Variants in NIBAN1 observed in about 807,000 individuals in gnomAD.
NIBAN1 encodes protein Niban 1.
Under a neutral mutation model 75.1 loss-of-function variants are expected in NIBAN1, and 81 were observed. The observed-to-expected ratio is 1.08, with a 90% CI of 0.90 to 1.30. NIBAN1 has a LOEUF of 1.30. NIBAN1 is among the 50% of genes most tolerant of loss of function. The probability of loss-of-function intolerance (pLI) is 0.00; values close to 1 mark genes in which losing one functional copy is unlikely to be tolerated. For missense variants in NIBAN1, 1,133 were observed against 1,128.1 expected (o/e 1.00, Z -0.06); for synonymous variants, 436 against 424.8 (o/e 1.03, Z -0.32).
At chr1:184,928,408 C>T (rs775085022) in intron 1 of NIBAN1, among the ~76,000 whole-genome samples, 1 of 152,182 alleles carries the variant, frequency 6.6e-6, no homozygotes, top group African/African-American at 2.4e-5. Context: ...GCCAGCACAG[C>T]ACCAGGACTT....
rs572710264 is a variant in NIBAN1 at position 184,831,027 on chromosome 1, C to T, written c.717+820G>A. Among the ~76,000 whole-genome samples the T allele has an allele frequency of 1.8e-3, 268 of 151,466 alleles. 1 individual carries two copies. Among genetic ancestry groups the T allele is most frequent in the Non-Finnish European group, 2.9e-3 (197 of 67,888 alleles). ...AAAAAAAAAATAGCATTCTTAAATA[C>T]CGTGTTACTTTATGTAAATATGCCC... On this transcript the variant is annotated intron_variant, in intron 6 of 13. Coordinates refer to ENST00000367511, the MANE Select transcript of NIBAN1 (RefSeq NM_052966.4).
chr1:184,816,301 G>A (rs917173522), intron 9 of NIBAN1, among the ~76,000 whole-genome samples: 3 of 152,088 alleles, frequency 2.0e-5, no homozygotes, highest in Admixed American at 2.0e-4. Context: ...CCATCTCTAG[G>A]ATGTCAAATG....
At chr1:184,905,530 C>T (rs1033397850) in intron 1 of NIBAN1, among the ~76,000 whole-genome samples, 2 of 152,124 alleles carry the variant, frequency 1.3e-5, no homozygotes, top group African/African-American at 4.8e-5. Flanking sequence ...TTATTTCCCA[C>T]TTCTTTCACT....
intron 1 of NIBAN1, among the ~76,000 whole-genome samples, chr1:184,927,014 T>C (rs565209557): frequency 1.3e-5 from 2 of 152,324 alleles, no homozygotes; most frequent in South Asian, 2.1e-4. Context: ...TTTTTACTTA[T>C]TTAAATATCT....
At position 184,853,601 on chromosome 1, in the gene NIBAN1, A is replaced by T. The variant is rs139203364; in HGVS notation, c.602-21639T>A. On this transcript the variant is annotated intron_variant, in intron 5 of 13. Transcript: ENST00000367511. ...TTTGTTCCTTACTTCCAGTGAGAGTAGATGGCATCTCAGACCAACTGGTTG... is the reference window on the plus strand; with the variant it reads ...TTTGTTCCTTACTTCCAGTGAGAGTTGATGGCATCTCAGACCAACTGGTTG... Among the ~76,000 whole-genome samples, 286 of 152,338 alleles carry T rather than the reference A, an allele frequency of 1.9e-3. 1 individual carries two copies. The highest frequency in any genetic ancestry group is 6.6e-3 in the African/African-American group (276 of 41,576).
At position 184,823,391 on chromosome 1, in the gene NIBAN1, G is replaced by A. The variant is rs1159090122; in HGVS notation, c.823-62C>T. 4 of 1,581,500 alleles carry A rather than the reference G, an allele frequency of 2.5e-6. No homozygotes were observed. The African/African-American group carries it at 4.1e-5, about 16-fold the overall frequency. ...CACGTGTAAGCACTGATGGAGTCAA[G>A]TGGAGGGAGGAGCCTTCATCACAGG... is the stretch of plus-strand genomic sequence containing the variant. On this transcript the variant is annotated intron_variant, in intron 7 of 13. Transcript: ENST00000367511.
At chr1:184,870,012 C>G (rs891625702) in intron 5 of NIBAN1, among the ~76,000 whole-genome samples, 8 of 152,204 alleles carry the variant, frequency 5.3e-5, no homozygotes, top group African/African-American at 1.4e-4. Flanking sequence ...CAACGATTCT[C>G]TAACTCTGAA....
At chr1:184,815,479 CAGA>C (rs1358832642) in intron 9 of NIBAN1, among the ~76,000 whole-genome samples, 7 of 152,148 alleles carry the variant, frequency 4.6e-5, no homozygotes, top group Admixed American at 1.3e-4. Context: ...AGTTTCTCCC[CAGA>C]AGAAGATGAC....
At chr1:184,830,476 T>A (rs1032463679) in intron 6 of NIBAN1, among the ~76,000 whole-genome samples, 3 of 152,066 alleles carry the variant, frequency 2.0e-5, no homozygotes, top group Non-Finnish European at 4.4e-5. Context: ...ATAGATGAGT[T>A]TAGAATCTAC....
At chr1:184,818,292 G>A (rs778250545) in intron 9 of NIBAN1, among the ~76,000 whole-genome samples, 4 of 152,210 alleles carry the variant, frequency 2.6e-5, no homozygotes, top group South Asian at 2.1e-4. Flanking sequence ...AGTTTGGAAT[G>A]GGGGTAGCCT....
chr1:184,957,467 G>A (rs1243823899), intron 1 of NIBAN1, among the ~76,000 whole-genome samples: 2 of 152,180 alleles, frequency 1.3e-5, no homozygotes, highest in African/African-American at 2.4e-5. Context: ...CATTGCTTCT[G>A]TAGAGGCATT....
chr1:184,827,957 T>TG (rs1169304376), intron 6 of NIBAN1, among the ~76,000 whole-genome samples: 4 of 150,174 alleles, frequency 2.7e-5, no homozygotes, highest in African/African-American at 4.9e-5. Context: ...AGTTTTGTTT[T>TG]TTGTTTTTTT....
intron 5 of NIBAN1, among the ~76,000 whole-genome samples, chr1:184,842,610 G>C (rs960310384): frequency 6.6e-6 from 1 of 152,096 alleles, no homozygotes; most frequent in Admixed American, 6.5e-5. Context: ...AAAATTAGCC[G>C]GGCGTGGTGG....
At chr1:184,821,991 C>T (rs987115946) in intron 8 of NIBAN1, among the ~76,000 whole-genome samples, 3 of 152,138 alleles carry the variant, frequency 2.0e-5, no homozygotes, top group African/African-American at 7.2e-5. Flanking sequence ...ACTGCAGAGG[C>T]TAATCCACAA....
intron 1 of NIBAN1, among the ~76,000 whole-genome samples, chr1:184,949,344 C>G (rs1434684739): frequency 6.6e-6 from 1 of 152,030 alleles, no homozygotes; most frequent in Non-Finnish European, 1.5e-5. Context: ...GGCGACAGAG[C>G]GAGACTCCGT....
Position 184,823,705 on chromosome 1 carries a change from G to A in NIBAN1, c.755C>T (p.Thr252Ile). ...CTTAGGCAGCAGGTCTGTCTGAAGA[G>A]TGGGCAGGAGCTCCTCCATCACCAG... ...SNLVMEELLP[T>I]LQTDLLPKMK... The change falls in exon 7 of 14, where the codon ACT becomes ATT. Residue 252 changes from threonine to isoleucine, a missense_variant. By Grantham distance (89) the Thr-to-Ile change is moderately conservative. Transcript: ENST00000367511. 1 of 1,614,160 alleles carries A rather than the reference G, an allele frequency of 6.2e-7. No individual in the cohort carries two copies. The highest frequency in any genetic ancestry group is 8.5e-7 in the Non-Finnish European group (1 of 1,179,998).
chr1:184,800,206 G>A (rs1478449002), intron 12 of NIBAN1, among the ~76,000 whole-genome samples: 28 of 149,206 alleles, frequency 1.9e-4, no homozygotes, highest in South Asian at 4.3e-4. Flanking sequence ...ACTTTTTGAT[G>A]GGGTTGTTTG....
chr1:184,823,364 G>A (rs1201082757), intron 7 of NIBAN1, 35 bp from the exon 8 acceptor site: 5 of 1,611,102 alleles, frequency 3.1e-6, no homozygotes, highest in Non-Finnish European at 3.4e-6. Context: ...TCAGGGCTCT[G>A]TCACGTGTAA....
chr1:184,940,304 A>G (rs1190758722), intron 1 of NIBAN1, among the ~76,000 whole-genome samples: 2 of 152,222 alleles, frequency 1.3e-5, no homozygotes, highest in Admixed American at 1.3e-4. Flanking sequence ...CTCCACTTCC[A>G]CTGCAAAACA....
Sources: allele counts gnomAD v4.1 joint callset (sites outside exome capture counted in the v4.1 genomes callset), GRCh38; gene constraint gnomAD v4.1.1; transcripts MANE v1.5; gene names NCBI Gene and HGNC (gene_info 2026-07-23, HGNC 2026-07-21).